Variants in BMPER observed in about 807,000 individuals in gnomAD.
BMPER encodes BMP binding endothelial regulator.
Under a neutral mutation model 87.3 loss-of-function variants are expected in BMPER, and 45 were observed. The observed-to-expected ratio is 0.52, with a 90% confidence interval of 0.41 to 0.66. The LOEUF is 0.66. Ranked by LOEUF, BMPER falls within the 30% of genes least tolerant of loss-of-function variation. The probability of loss-of-function intolerance (pLI) is 0.00; values close to 1 mark genes in which losing one functional copy is unlikely to be tolerated. For synonymous variants in BMPER, 326 were observed against 316.2 expected, an observed-to-expected ratio of 1.03 and a Z score of -0.33; for missense variants, 784 against 867.5, an observed-to-expected ratio of 0.90 and a Z score of 1.21.
At chr7:33,991,252 C>T (rs902555523) in intron 6 of BMPER, among the ~76,000 whole-genome samples, 1 of 151,132 alleles carries the variant, frequency 6.6e-6, no homozygotes, top group Non-Finnish European at 1.5e-5. Flanking sequence ...GTCGTGGACT[C>T]TTTTTGGTTG....
chr7:34,104,895 A>G (rs1789779456), intron 13 of BMPER, among the ~76,000 whole-genome samples: 1 of 152,192 alleles, frequency 6.6e-6, no homozygotes, highest in Admixed American at 6.5e-5. Context: ...GAGGAAGGGA[A>G]AGTGGAAGAA....
intron 6 of BMPER, among the ~76,000 whole-genome samples, chr7:33,992,479 C>T (rs998813335): frequency 1.4e-4 from 21 of 146,556 alleles, no homozygotes; most frequent in African/African-American, 5.3e-4. Context: ...GGTAGATCTT[C>T]CTCCATCCTT....
chr7:34,071,175 A>G (rs150145127), intron 11 of BMPER, among the ~76,000 whole-genome samples: 1 of 152,262 alleles, frequency 6.6e-6, no homozygotes, highest in Non-Finnish European at 1.5e-5. Flanking sequence ...CTTTTCAACA[A>G]ATCTATACTT....
intron 4 of BMPER, among the ~76,000 whole-genome samples, chr7:33,969,582 G>A (rs926499544): frequency 1.3e-5 from 2 of 152,040 alleles, no homozygotes; most frequent in Non-Finnish European, 2.9e-5. Flanking sequence ...TGTATTTTTC[G>A]TAGAGACGGG....
chr7:34,014,771 G>A (rs560635430), intron 6 of BMPER, among the ~76,000 whole-genome samples: 1 of 151,956 alleles, frequency 6.6e-6, no homozygotes, highest in Non-Finnish European at 1.5e-5. Context: ...AAATAAAATA[G>A]TGAAGTCAGC....
intron 13 of BMPER, among the ~76,000 whole-genome samples, chr7:34,128,746 G>A (rs1212574427): frequency 6.6e-6 from 1 of 152,142 alleles, no homozygotes; most frequent in East Asian, 1.9e-4. Flanking sequence ...GGAAGTTATA[G>A]AACACATTTT....
intron 13 of BMPER, among the ~76,000 whole-genome samples, chr7:34,112,927 C>A (rs1167682033): frequency 6.6e-6 from 1 of 151,786 alleles, no homozygotes; most frequent in East Asian, 1.9e-4. Flanking sequence ...ACATAACTTG[C>A]AGTTATAGTT....
intron 2 of BMPER, among the ~76,000 whole-genome samples, chr7:33,910,013 A>G (rs760756643): frequency 6.6e-6 from 1 of 152,110 alleles, no homozygotes; most frequent in Non-Finnish European, 1.5e-5. Context: ...GTCCAAGAAT[A>G]ACTGGTTTGT....
At chr7:34,120,097 C>T (rs1261360039) in intron 13 of BMPER, among the ~76,000 whole-genome samples, 2 of 152,058 alleles carry the variant, frequency 1.3e-5, no homozygotes, top group African/African-American at 2.4e-5. Context: ...CCTCTTTAAT[C>T]ATAAGGGCAG....
intron 13 of BMPER, among the ~76,000 whole-genome samples, chr7:34,101,653 C>T (rs763088597): frequency 1.3e-5 from 2 of 152,200 alleles, no homozygotes; most frequent in Non-Finnish European, 2.9e-5. Context: ...TCATTTCCCT[C>T]CTGGACCCTT....
intron 3 of BMPER, among the ~76,000 whole-genome samples, chr7:33,947,354 A>G (rs944998837): frequency 6.6e-6 from 1 of 152,160 alleles, no homozygotes; most frequent in Non-Finnish European, 1.5e-5. Flanking sequence ...TTCTTTCCTC[A>G]TATAGAGCAT....
In BMPER at chr7:34,095,529, C is replaced by A. The variant is rs116202967; in HGVS notation, c.1745+9437C>A. On this transcript the variant is annotated intron_variant, in intron 13 of 14. Transcript: ENST00000649409. Reference sequence around the variant, plus strand: ...TAGCTTCCCTTTGCCCTATTGCCTTCTCCTCATTGGATGGAGAAAATAATG... The same window carrying A: ...TAGCTTCCCTTTGCCCTATTGCCTTATCCTCATTGGATGGAGAAAATAATG... Among the ~76,000 whole-genome samples the A allele has an allele frequency of 6.7e-3, 1,014 of 151,690 alleles. 17 individuals are homozygous for A. The highest frequency in any genetic ancestry group is 0.023 in the African/African-American group (951 of 41,512).
chr7:34,020,527 A>G (rs1025775215), intron 6 of BMPER, among the ~76,000 whole-genome samples: 2 of 151,992 alleles, frequency 1.3e-5, no homozygotes, highest in African/African-American at 4.8e-5. Context: ...GCCCCACTCC[A>G]GAGATTTTGA....
intron 6 of BMPER, among the ~76,000 whole-genome samples, chr7:33,996,088 T>C (rs1157273979): frequency 1.3e-5 from 2 of 152,234 alleles, no homozygotes; most frequent in African/African-American, 2.4e-5. Flanking sequence ...AAATAGGACC[T>C]ATGAAGCTAT....
intron 11 of BMPER, among the ~76,000 whole-genome samples, chr7:34,065,241 TCTCTCTCC>T (rs1222389910): frequency 6.8e-6 from 1 of 147,662 alleles, no homozygotes; most frequent in Non-Finnish European, 1.5e-5. Context: ...TCTCTCTCTC[TCTCTCTCC>T]CTCTCTCTCT....
At chr7:34,075,413 A>C (rs1363433716) in intron 11 of BMPER, among the ~76,000 whole-genome samples, 1 of 152,180 alleles carries the variant, frequency 6.6e-6, no homozygotes, top group Non-Finnish European at 1.5e-5. Flanking sequence ...TAGAGAAAAA[A>C]CACTCACTCC....
intron 7 of BMPER, among the ~76,000 whole-genome samples, chr7:34,049,882 T>G (rs1417648277): frequency 6.6e-6 from 1 of 152,176 alleles, no homozygotes; most frequent in Non-Finnish European, 1.5e-5. Context: ...TCACCATCAT[T>G]TTTATAGTAA....
chr7:34,041,496 C>T (rs894104546), intron 6 of BMPER, among the ~76,000 whole-genome samples: 17 of 152,104 alleles, frequency 1.1e-4, no homozygotes, highest in African/African-American at 4.1e-4. Context: ...ATCTTTACTC[C>T]AGGAAGTTAA....
At chr7:34,075,781 A>G (rs141339220) in intron 11 of BMPER, among the ~76,000 whole-genome samples, 98 of 152,196 alleles carry the variant, frequency 6.4e-4, no homozygotes, top group African/African-American at 2.3e-3. Flanking sequence ...TCTGTCCCCT[A>G]AGTGTTCTCG....
Sources: gnomAD v4.1 joint callset for allele counts (sites outside exome capture counted in the v4.1 genomes callset) on GRCh38, gnomAD v4.1.1 for gene constraint, MANE v1.5 for transcripts, NCBI Gene and HGNC (gene_info 2026-07-23, HGNC 2026-07-21) for gene names.